The following ARL15 variants were observed in gnomAD, a reference collection of about 807,000 sequenced individuals.
The protein encoded by ARL15 is ADP-ribosylation factor-like protein 15.
In ARL15, 19 loss-of-function variants were observed where a neutral mutation model predicts 25.2. That is an observed-to-expected ratio of 0.75 (90% CI 0.53 to 1.10). The LOEUF (loss-of-function observed/expected upper bound fraction) is 1.10. Among genes scored for constraint, ARL15 ranks in the 50% least tolerant of loss-of-function variants. ARL15 has a pLI of 0.00. For synonymous variants in ARL15, 94 were observed against 86.8 expected (o/e 1.08, Z -0.46); for missense variants, 220 against 246.0 (o/e 0.89, Z 0.71).
At chr5:54,245,676 C>T (rs1003322486) in intron 1 of ARL15, among the ~76,000 whole-genome samples, 2 of 152,122 alleles carry the variant, frequency 1.3e-5, no homozygotes, top group Non-Finnish European at 2.9e-5. Flanking sequence ...CAACCTCCGC[C>T]TCTTGAGTTC....
intron 4 of ARL15, among the ~76,000 whole-genome samples, chr5:53,914,795 T>C (rs1444347532): frequency 6.6e-6 from 1 of 152,150 alleles, no homozygotes; most frequent in African/African-American, 2.4e-5. Flanking sequence ...TTCTTTTTCT[T>C]TTTCTTTCCT....
intron 1 of ARL15, among the ~76,000 whole-genome samples, chr5:54,262,790 C>T (rs1757526750): frequency 6.6e-6 from 1 of 152,088 alleles, no homozygotes; most frequent in Non-Finnish European, 1.5e-5. Flanking sequence ...TTTTTCCCCA[C>T]AAAAAATTTC....
intron 4 of ARL15, among the ~76,000 whole-genome samples, chr5:54,026,119 A>C (rs1398830623): frequency 6.6e-6 from 1 of 152,200 alleles, no homozygotes; most frequent in African/African-American, 2.4e-5. Context: ...TTAATGCTGA[A>C]TTTTTAGACT....
At chr5:53,984,291 C>G (rs1748219613) in intron 4 of ARL15, among the ~76,000 whole-genome samples, 1 of 152,134 alleles carries the variant, frequency 6.6e-6, no homozygotes, top group Non-Finnish European at 1.5e-5. Flanking sequence ...TTGAGCTGCT[C>G]ATAGCTGAAC....
intron 4 of ARL15, among the ~76,000 whole-genome samples, chr5:54,092,125 G>A (rs969250359): frequency 6.6e-6 from 1 of 151,558 alleles, no homozygotes; most frequent in Non-Finnish European, 1.5e-5. Context: ...CGTTCGTTCC[G>A]GAATGTTTAG....
Position 54,187,644 on chromosome 5 carries a change from C to T in ARL15, c.49-15716G>A, listed in dbSNP as rs534547209. Among the ~76,000 whole-genome samples the T allele has an allele frequency of 5.9e-4, 90 of 152,230 alleles. 1 individual carries two copies. The highest frequency in any genetic ancestry group is 5.3e-4 in the Non-Finnish European group (36 of 68,010). On this transcript the variant is annotated intron_variant, in intron 1 of 4. Coordinates refer to ENST00000504924, the MANE Select transcript of ARL15 (RefSeq NM_019087.3). ...AAACATGTTTTGCCCTCTTAGTGTCCCACTTGTTATTTAATACTCAGCTCT... is the reference window on the plus strand; with the variant it reads ...AAACATGTTTTGCCCTCTTAGTGTCTCACTTGTTATTTAATACTCAGCTCT...
intron 1 of ARL15, among the ~76,000 whole-genome samples, chr5:54,304,135 T>G (rs1758690470): frequency 6.6e-6 from 1 of 152,210 alleles, no homozygotes; most frequent in Admixed American, 6.5e-5. Context: ...ACTAAAAATT[T>G]TGAGTGCATC....
chr5:54,109,030 C>T (rs763984713), intron 4 of ARL15, among the ~76,000 whole-genome samples: 1 of 151,956 alleles, frequency 6.6e-6, no homozygotes, highest in Non-Finnish European at 1.5e-5. Flanking sequence ...ATACTTTTCT[C>T]GCATTTATAT....
At chr5:54,231,543 C>T (rs1435420589) in intron 1 of ARL15, among the ~76,000 whole-genome samples, 1 of 152,214 alleles carries the variant, frequency 6.6e-6, no homozygotes, top group African/African-American at 2.4e-5. Flanking sequence ...GCTGGCAGAG[C>T]TCATCAGCTT....
At chr5:54,009,578 C>A (rs1214858708) in intron 4 of ARL15, among the ~76,000 whole-genome samples, 1 of 152,204 alleles carries the variant, frequency 6.6e-6, no homozygotes, top group Non-Finnish European at 1.5e-5. Context: ...GCTTACAACA[C>A]TATGGACTGC....
At chr5:54,028,045 C>A (rs181826217) in intron 4 of ARL15, among the ~76,000 whole-genome samples, 1 of 152,042 alleles carries the variant, frequency 6.6e-6, no homozygotes, top group Non-Finnish European at 1.5e-5. Context: ...CTCAGCCTCC[C>A]TAGTAGGTGG....
chr5:54,253,000 C>T (rs571362300), intron 1 of ARL15, among the ~76,000 whole-genome samples: 45 of 152,128 alleles, frequency 3.0e-4, no homozygotes, highest in Admixed American at 7.8e-4. Flanking sequence ...GCTGTGATTA[C>T]AGGCATAAGC....
intron 4 of ARL15, among the ~76,000 whole-genome samples, chr5:54,015,781 T>A (rs560695700): frequency 1.3e-5 from 2 of 152,272 alleles, no homozygotes; most frequent in East Asian, 1.9e-4. Flanking sequence ...GAGACCAGAA[T>A]GTGCAACCCC....
chr5:54,224,460 T>G (rs1032157333), intron 1 of ARL15, among the ~76,000 whole-genome samples: 4 of 152,182 alleles, frequency 2.6e-5, no homozygotes, highest in Non-Finnish European at 4.4e-5. Context: ...ATTAATCAGT[T>G]GACTGATTAA....
At chr5:53,966,117 A>G (rs914477232) in intron 4 of ARL15, among the ~76,000 whole-genome samples, 6 of 152,172 alleles carry the variant, frequency 3.9e-5, no homozygotes, top group African/African-American at 1.4e-4. Context: ...ATGCAGGATT[A>G]GAGGAGTGGA....
chr5:54,240,910 A>G (rs1261696452), intron 1 of ARL15, among the ~76,000 whole-genome samples: 11 of 152,338 alleles, frequency 7.2e-5, no homozygotes, highest in Non-Finnish European at 1.6e-4. Flanking sequence ...AGTATCTGCA[A>G]AAATCCAAAA....
At chr5:54,192,755 G>GA (rs926654235) in intron 1 of ARL15, among the ~76,000 whole-genome samples, 6 of 152,026 alleles carry the variant, frequency 3.9e-5, no homozygotes, top group African/African-American at 1.4e-4. Flanking sequence ...AGAAAAAACA[G>GA]AAAACGTAAG....
intron 1 of ARL15, among the ~76,000 whole-genome samples, chr5:54,221,976 C>T (rs1756391477): frequency 6.6e-6 from 1 of 152,068 alleles, no homozygotes; most frequent in Non-Finnish European, 1.5e-5. Context: ...ATTTAAGCGT[C>T]TTGGGAAATA....
At chr5:54,288,838 G>A (rs1279975842) in intron 1 of ARL15, among the ~76,000 whole-genome samples, 1 of 152,026 alleles carries the variant, frequency 6.6e-6, no homozygotes, top group East Asian at 1.9e-4. Flanking sequence ...CTACAATAAG[G>A]CATATGGGCA....
Sources: allele counts gnomAD v4.1 joint callset (sites outside exome capture counted in the v4.1 genomes callset), GRCh38; gene constraint gnomAD v4.1.1; transcripts MANE v1.5; gene names NCBI Gene and HGNC (gene_info 2026-07-23, HGNC 2026-07-21).